MTSS1: variants seen among roughly 807,000 people sequenced by gnomAD.
MTSS1 encodes the protein MTSS I-BAR domain containing 1, also known as protein MTSS 1.
MTSS1 carries 18 observed loss-of-function variants against 79.0 expected under a neutral mutation model. The ratio of observed to expected loss-of-function variants is 0.23; its 90% CI spans 0.16 to 0.34. MTSS1 has a LOEUF of 0.34. MTSS1 is among the 10% of genes least tolerant of loss of function. MTSS1 has a pLI of 1.00. For synonymous variants in MTSS1, 341 were observed against 368.6 expected, an observed-to-expected ratio of 0.93 and a Z score of 0.86; for missense variants, 815 against 986.2, an observed-to-expected ratio of 0.83 and a Z score of 2.33.
chr8:124,684,321 G>A (rs1826605295), intron 3 of MTSS1, among the ~76,000 whole-genome samples: 1 of 152,256 alleles, frequency 6.6e-6, no homozygotes, highest in African/African-American at 2.4e-5. Context: ...TTTTGTCCAT[G>A]CCAGAAGGAA....
chr8:124,630,696 C>A (rs1815755953), intron 3 of MTSS1, among the ~76,000 whole-genome samples: 1 of 152,218 alleles, frequency 6.6e-6, no homozygotes, highest in Admixed American at 6.5e-5. Context: ...AACCTGCCTC[C>A]ACTGTCTCAT....
At chr8:124,633,366 T>G (rs772205291) in intron 3 of MTSS1, among the ~76,000 whole-genome samples, 15 of 152,190 alleles carry the variant, frequency 9.9e-5, no homozygotes, top group Admixed American at 1.3e-4. Flanking sequence ...CTTCACAAAC[T>G]CTCCTGATCA....
chr8:124,716,396 A>T (rs573933743), intron 1 of MTSS1, among the ~76,000 whole-genome samples: 2 of 152,214 alleles, frequency 1.3e-5, no homozygotes, highest in Non-Finnish European at 2.9e-5. Context: ...CATTCCAAGT[A>T]TATCTGTGGT....
At chr8:124,638,781 C>A (rs2133948988) in intron 3 of MTSS1, among the ~76,000 whole-genome samples, 1 of 152,280 alleles carries the variant, frequency 6.6e-6, no homozygotes, top group Middle Eastern at 3.4e-3. Context: ...GTAACAAGGG[C>A]CCTGAGGCCA....
At chr8:124,654,143 G>T (rs945713727) in intron 3 of MTSS1, among the ~76,000 whole-genome samples, 3 of 152,206 alleles carry the variant, frequency 2.0e-5, no homozygotes, top group African/African-American at 7.2e-5. Context: ...GTAGCTGTGG[G>T]AGGAGCAAGT....
intron 9 of MTSS1, among the ~76,000 whole-genome samples, chr8:124,564,415 A>G (rs1406019153): frequency 6.6e-6 from 1 of 152,132 alleles, no homozygotes; most frequent in Non-Finnish European, 1.5e-5. Context: ...AAATGTTCAG[A>G]CAGACATAGG....
In MTSS1 at chr8:124,655,076, C is replaced by T. The variant is rs917536977; in HGVS notation, c.208+44450G>A. ...ACCCTCTCTTTTCTGCTCTCTAGCC[C>T]CCTAAACAGCAGAGCAGAACACGGA... On this transcript the variant is annotated intron_variant, in intron 3 of 13. Transcript: ENST00000518547. Among the ~76,000 whole-genome samples the T allele has an allele frequency of 6.6e-5, 10 of 152,198 alleles. No homozygotes were observed. In the South Asian group the frequency reaches 1.9e-3, roughly 28 times the overall value.
At chr8:124,702,045 A>G (rs974673507) in intron 2 of MTSS1, among the ~76,000 whole-genome samples, 9 of 152,228 alleles carry the variant, frequency 5.9e-5, no homozygotes, top group Admixed American at 5.2e-4. Context: ...AGGACAGGTT[A>G]AGATTACTTT....
intron 3 of MTSS1, among the ~76,000 whole-genome samples, chr8:124,602,355 A>G (rs994037381): frequency 6.6e-6 from 1 of 151,536 alleles, no homozygotes; most frequent in Non-Finnish European, 1.5e-5. Flanking sequence ...GTGCACTACT[A>G]CACCTGGCTA....
At chr8:124,563,249 G>A (rs575102343) in intron 9 of MTSS1, 10 of 504,776 alleles carry the variant, frequency 2.0e-5, no homozygotes, top group African/African-American at 1.2e-4. Flanking sequence ...TCAGGTCTCC[G>A]ATGGTAACCA....
chr8:124,595,225 G>C (rs1832552761), intron 3 of MTSS1, among the ~76,000 whole-genome samples: 1 of 152,154 alleles, frequency 6.6e-6, no homozygotes. Context: ...ATTGATTCCT[G>C]GTCAGCCTAG....
chr8:124,720,256 C>T (rs1196080803), intron 1 of MTSS1, among the ~76,000 whole-genome samples: 5 of 152,162 alleles, frequency 3.3e-5, no homozygotes, highest in Non-Finnish European at 5.9e-5. Context: ...GGACACATAG[C>T]GGGCCACTTA....
At chr8:124,664,658 C>A (rs1822720608) in intron 3 of MTSS1, among the ~76,000 whole-genome samples, 1 of 152,040 alleles carries the variant, frequency 6.6e-6, no homozygotes, top group African/African-American at 2.4e-5. Flanking sequence ...GTCAGGAGAC[C>A]CCTCTACTCT....
At chr8:124,629,958 T>C (rs559743188) in intron 3 of MTSS1, among the ~76,000 whole-genome samples, 1 of 152,348 alleles carries the variant, frequency 6.6e-6, no homozygotes, top group African/African-American at 2.4e-5. Context: ...CTGTAAAGAA[T>C]TGAGTCGCTG....
chr8:124,707,447 G>A (rs915400689), intron 1 of MTSS1, among the ~76,000 whole-genome samples: 1 of 151,780 alleles, frequency 6.6e-6, no homozygotes, highest in African/African-American at 2.4e-5. Flanking sequence ...GCCAGGCACG[G>A]TAGCTCACGC....
At chr8:124,609,059 G>A (rs922510411) in intron 3 of MTSS1, among the ~76,000 whole-genome samples, 1 of 152,172 alleles carries the variant, frequency 6.6e-6, no homozygotes, top group South Asian at 2.1e-4. Context: ...GGAGTGAAAG[G>A]GGCTAGAATG....
chr8:124,612,806 G>T (rs980062251), intron 3 of MTSS1, among the ~76,000 whole-genome samples: 3 of 151,988 alleles, frequency 2.0e-5, no homozygotes, highest in Admixed American at 6.6e-5. Flanking sequence ...GTTGGAAAAC[G>T]AGATTAAACA....
intron 3 of MTSS1, among the ~76,000 whole-genome samples, chr8:124,643,152 C>G (rs1378706003): frequency 6.6e-6 from 1 of 152,116 alleles, no homozygotes; most frequent in Non-Finnish European, 1.5e-5. Flanking sequence ...TCCAAAGAAG[C>G]ATTTGGCAAT....
intron 3 of MTSS1, among the ~76,000 whole-genome samples, chr8:124,627,372 T>C (rs1814905700): frequency 1.3e-5 from 2 of 152,338 alleles, no homozygotes; most frequent in South Asian, 4.1e-4. Context: ...ACTCAACATT[T>C]CACCTTCTCC....
Sources: allele counts gnomAD v4.1 joint callset (sites outside exome capture counted in the v4.1 genomes callset), GRCh38; gene constraint gnomAD v4.1.1; transcripts MANE v1.5; gene names NCBI Gene and HGNC (gene_info 2026-07-23, HGNC 2026-07-21).